Variants in CTNNA3 observed in about 807,000 individuals in gnomAD.
CTNNA3 encodes the protein catenin alpha-3.
CTNNA3 carries 76 observed loss-of-function variants against 95.7 expected under a neutral mutation model. The ratio of observed to expected loss-of-function variants is 0.79; its 90% CI spans 0.66 to 0.96. The LOEUF (loss-of-function observed/expected upper bound fraction) is 0.96, where lower values mean the gene tolerates loss of function less well. Among genes scored for constraint, CTNNA3 ranks in the 40% least tolerant of loss-of-function variants. The probability of loss-of-function intolerance (pLI) is 0.00; values close to 1 mark genes in which losing one functional copy is unlikely to be tolerated. For missense variants in CTNNA3, 1,191 were observed against 1,089.8 expected, an observed-to-expected ratio of 1.09 and a Z score of -1.31; for synonymous variants, 431 against 374.4, an observed-to-expected ratio of 1.15 and a Z score of -1.74.
At chr10:66,009,725 C>T (rs1035826921) in intron 15 of CTNNA3, among the ~76,000 whole-genome samples, 5 of 152,118 alleles carry the variant, frequency 3.3e-5, no homozygotes, top group East Asian at 3.9e-4. Context: ...ATTGTCACCC[C>T]TTTCTACCTC....
At chr10:66,920,605 A>T (rs1188993448) in intron 7 of CTNNA3, among the ~76,000 whole-genome samples, 1 of 152,326 alleles carries the variant, frequency 6.6e-6, no homozygotes, top group African/African-American at 2.4e-5. Flanking sequence ...AATATTTAAA[A>T]ATATATCATG....
rs139073260 is a variant in CTNNA3 at position 66,656,441 on chromosome 10, G to A, written c.1282-34657C>T. Among the ~76,000 whole-genome samples the A allele has an allele frequency of 3.9e-3, 592 of 152,216 alleles. 6 individuals are homozygous for A. Among genetic ancestry groups the A allele is most frequent in the African/African-American group, 0.013 (553 of 41,552 alleles). On this transcript the variant is annotated intron_variant, in intron 9 of 17. Coordinates refer to ENST00000433211, the MANE Select transcript of CTNNA3 (RefSeq NM_013266.4). ...TGTAGCCATGAGAAATACAGGTGAA[G>A]TAGAAGGAGCAGCTTCAGAAAGTGA... is the stretch of plus-strand genomic sequence containing the variant.
At chr10:67,610,847 C>T (rs552167867) in intron 2 of CTNNA3, among the ~76,000 whole-genome samples, 196 of 152,310 alleles carry the variant, frequency 1.3e-3, no homozygotes, top group African/African-American at 4.5e-3. Flanking sequence ...GCCATAGATA[C>T]AAAACCCTCC....
At chr10:67,401,806 G>A (rs1844934425) in intron 5 of CTNNA3, among the ~76,000 whole-genome samples, 1 of 152,144 alleles carries the variant, frequency 6.6e-6, no homozygotes, top group South Asian at 2.1e-4. Flanking sequence ...CCATCTACTA[G>A]ATTGTAGCCC....
At chr10:66,822,130 T>C (rs112345131) in intron 7 of CTNNA3, among the ~76,000 whole-genome samples, 1 of 149,488 alleles carries the variant, frequency 6.7e-6, no homozygotes, top group African/African-American at 2.4e-5. Flanking sequence ...TTTATATTTA[T>C]GTCAATATAT....
At chr10:66,914,618 T>G (rs12775246) in intron 7 of CTNNA3, among the ~76,000 whole-genome samples, 19 of 150,626 alleles carry the variant, frequency 1.3e-4, no homozygotes, top group South Asian at 2.1e-4. Flanking sequence ...AACAGTATGC[T>G]ATGAAGAAGG....
intron 15 of CTNNA3, among the ~76,000 whole-genome samples, chr10:66,028,056 T>A (rs2079376066): frequency 6.6e-6 from 1 of 152,170 alleles, no homozygotes; most frequent in Non-Finnish European, 1.5e-5. Flanking sequence ...TTCTTTTACT[T>A]ATACTTAAAT....
At chr10:67,499,208 T>C (rs778298527) in intron 5 of CTNNA3, among the ~76,000 whole-genome samples, 129 of 152,364 alleles carry the variant, frequency 8.5e-4, no homozygotes, top group South Asian at 3.9e-3. Context: ...GTTTTGTCGT[T>C]GGTTCTGTTT....
intron 7 of CTNNA3, among the ~76,000 whole-genome samples, chr10:66,801,058 A>C (rs1203708718): frequency 1.3e-5 from 2 of 151,408 alleles, no homozygotes; most frequent in Non-Finnish European, 1.5e-5. Context: ...TCTTATGCAA[A>C]ATCTCTGAAA....
intron 5 of CTNNA3, among the ~76,000 whole-genome samples, chr10:67,284,122 A>C (rs1357253541): frequency 2.6e-5 from 4 of 152,206 alleles, no homozygotes; most frequent in Non-Finnish European, 5.9e-5. Context: ...GGAGATGGAA[A>C]TAGGGTAAAT....
At chr10:66,277,936 C>T (rs2091427810) in intron 13 of CTNNA3, among the ~76,000 whole-genome samples, 1 of 151,764 alleles carries the variant, frequency 6.6e-6, no homozygotes, top group Non-Finnish European at 1.5e-5. Context: ...ATGCTCTTAA[C>T]TGAATCTCTC....
chr10:67,639,776 T>G (rs987207812), intron 2 of CTNNA3, among the ~76,000 whole-genome samples: 1 of 152,162 alleles, frequency 6.6e-6, no homozygotes, highest in Non-Finnish European at 1.5e-5. Flanking sequence ...TCTCAATAGA[T>G]GCAGAAAAGG....
chr10:66,290,219 T>C (rs2091657698), intron 12 of CTNNA3, among the ~76,000 whole-genome samples: 1 of 151,938 alleles, frequency 6.6e-6, no homozygotes, highest in Non-Finnish European at 1.5e-5. Flanking sequence ...AAAGCAGCTT[T>C]TAAAAAAGAG....
intron 7 of CTNNA3, among the ~76,000 whole-genome samples, chr10:67,049,922 T>A (rs1295646881): frequency 6.6e-6 from 1 of 152,216 alleles, no homozygotes; most frequent in South Asian, 2.1e-4. Context: ...GTGTTTCACA[T>A]TTAGAAATCC....
At chr10:67,412,912 G>GCAC (rs1845417750) in intron 5 of CTNNA3, among the ~76,000 whole-genome samples, 1 of 152,038 alleles carries the variant, frequency 6.6e-6, no homozygotes, top group African/African-American at 2.4e-5. Context: ...GCACACTTAA[G>GCAC]CACATAGCTC....
At chr10:66,268,104 A>C (rs1589897086) in intron 13 of CTNNA3, among the ~76,000 whole-genome samples, 2 of 152,224 alleles carry the variant, frequency 1.3e-5, no homozygotes, top group Middle Eastern at 6.8e-3. Flanking sequence ...GATGATGATA[A>C]TAATGATGAT....
At chr10:66,170,250 T>C (rs1217146832) in intron 13 of CTNNA3, among the ~76,000 whole-genome samples, 1 of 145,884 alleles carries the variant, frequency 6.9e-6, no homozygotes, top group Non-Finnish European at 1.5e-5. Context: ...TCTTTTTTTT[T>C]TTTTTTTTTT....
chr10:66,921,310 G>T (rs1369657777), intron 7 of CTNNA3, among the ~76,000 whole-genome samples: 2 of 152,098 alleles, frequency 1.3e-5, no homozygotes, highest in Non-Finnish European at 2.9e-5. Flanking sequence ...ATCACATTGG[G>T]AATTGGGGTT....
intron 15 of CTNNA3, among the ~76,000 whole-genome samples, chr10:65,994,939 G>A (rs2078623261): frequency 6.6e-6 from 1 of 152,002 alleles, no homozygotes; most frequent in African/African-American, 2.4e-5. Context: ...AAAATCTGTT[G>A]TTGAAGCTCT....
Sources: gnomAD v4.1 joint callset for allele counts (sites outside exome capture counted in the v4.1 genomes callset) on GRCh38, gnomAD v4.1.1 for gene constraint, MANE v1.5 for transcripts, NCBI Gene and HGNC (gene_info 2026-07-23, HGNC 2026-07-21) for gene names.